The following CEACAM20 variants were observed in gnomAD, a reference collection of about 807,000 sequenced individuals.
CEACAM20 encodes the protein cell adhesion molecule CEACAM20.
A neutral mutation model predicts 61.2 loss-of-function variants in CEACAM20; 50 were observed. The ratio of observed to expected loss-of-function variants is 0.82; its 90% CI spans 0.65 to 1.03. The LOEUF (loss-of-function observed/expected upper bound fraction) is 1.03. CEACAM20 is among the 50% of genes least tolerant of loss of function. CEACAM20 has a pLI of 0.00. For synonymous variants in CEACAM20, 282 were observed against 287.7 expected (o/e 0.98, Z 0.20); for missense variants, 683 against 736.4 (o/e 0.93, Z 0.84).
chr19:44,512,256 A>G (rs1341881412), intron 8 of CEACAM20, among the ~76,000 whole-genome samples, 178 bp from the exon 9 acceptor site: 1 of 152,132 alleles, frequency 6.6e-6, no homozygotes, highest in African/African-American at 2.4e-5. Flanking sequence ...TGGGTTAGGT[A>G]AGGCTGTTTG....
chr19:44,515,584 A>G (rs1203016039), intron 6 of CEACAM20, among the ~76,000 whole-genome samples: 1 of 152,112 alleles, frequency 6.6e-6, no homozygotes, highest in East Asian at 1.9e-4. Flanking sequence ...TCACCTCAAA[A>G]CTGGCTGACA....
intron 6 of CEACAM20, among the ~76,000 whole-genome samples, chr19:44,515,300 T>C (rs918728198): frequency 1.3e-5 from 2 of 152,112 alleles, no homozygotes; most frequent in Non-Finnish European, 2.9e-5. Context: ...GAGACCTTCA[T>C]ACATGATCTT....
intron 1 of CEACAM20, 101 bp downstream of exon 1, chr19:44,529,357 C>T: frequency 2.0e-5 from 1 of 50,066 alleles, no homozygotes; most frequent in Non-Finnish European, 2.7e-5. Flanking sequence ...CTCGAGTGCA[C>T]ACACACACAC....
chr19:44,518,081 G>GGAAA (rs1215153815), intron 5 of CEACAM20, among the ~76,000 whole-genome samples: 65 of 106,020 alleles, frequency 6.1e-4, no homozygotes, highest in East Asian at 3.7e-3. Flanking sequence ...AAAGGAAAGA[G>GGAAA]GAAAGAAAGA....
In CEACAM20 at chr19:44,524,630, A is replaced by C. The variant is rs149313899; in HGVS notation, c.197-369T>G. ...GGTTTCATTCTGTCACCCAGGCTGG[A>C]GTGCAGTGGTTCAATCACGGCTCAC... On this transcript the variant is annotated intron_variant, in intron 2 of 11. Coordinates refer to ENST00000614924, the MANE Select transcript of CEACAM20 (RefSeq NM_001102597.3). 9.1e-3 allele frequency among the ~76,000 whole-genome samples: 1,376 copies of C among 151,822 alleles called. 26 individuals are homozygous for C. Among genetic ancestry groups the C allele is most frequent in the African/African-American group, 0.031 (1,287 of 41,404 alleles).
chr19:44,518,081 G>C, intron 5 of CEACAM20, among the ~76,000 whole-genome samples: 1 of 106,086 alleles, frequency 9.4e-6, no homozygotes. Flanking sequence ...AAAGGAAAGA[G>C]GAAAGAAAGA....
At chr19:44,511,000 G>A (rs779833734) in intron 11 of CEACAM20, 30 bp downstream of exon 11, 1 of 1,613,394 alleles carries the variant, frequency 6.2e-7, no homozygotes, top group South Asian at 1.1e-5. Flanking sequence ...ATTTCCACCT[G>A]TCCAAAGACT....
In CEACAM20 at chr19:44,520,646, C is replaced by A. The variant is rs1443605641; in HGVS notation, c.858G>T (p.Gln286His). ...CQTVNQSVNVQWFLSGQPLLP... is the reference protein window; with the variant it reads ...CQTVNQSVNVHWFLSGQPLLP... ...GGAGGGGCTGGCCACTTAGGAACCA[C>A]TGGACATTCACACTCTGATTGACGG... Residue 286 changes from glutamine (Q) to histidine (H), a missense_variant, in exon 5 of 12, where the codon CAG (glutamine) becomes CAT (histidine). By Grantham distance (24) the Gln-to-His change is conservative (BLOSUM62 0). Transcript: ENST00000614924. 2.5e-6 allele frequency: 4 copies of A among 1,613,942 alleles called. No homozygotes were observed. The African/African-American group carries it at 5.3e-5, about 22-fold the overall frequency.
At chr19:44,512,133 G>GGGGCT (rs1297176457) in intron 8 of CEACAM20, 55 bp from the exon 9 acceptor site, 1 of 1,407,984 alleles carries the variant, frequency 7.1e-7, no homozygotes, top group African/African-American at 1.4e-5. Context: ...TATGGGGCAA[G>GGGGCT]GGGCTGTTTT....
In CEACAM20 at chr19:44,513,117, G is replaced by T. The variant is rs917875219; in HGVS notation, c.1427+55C>A. On this transcript the variant is annotated intron_variant, in intron 7 of 11. Coordinates refer to ENST00000614924, the MANE Select transcript of CEACAM20 (RefSeq NM_001102597.3). ...ATGGTCAGCAACACGCCCGGCAAGC[G>T]CCCCCTGCTGGCCACATCCCCATCC... 5.3e-5 allele frequency: 76 copies of T among 1,431,670 alleles called. No homozygotes were observed. In the African/African-American group the frequency reaches 9.7e-4, roughly 18 times the overall value. 88.7% of individuals were successfully genotyped at this position (1,431,670 alleles called of 1,614,324 possible).
Position 44,510,610 on chromosome 19 carries a change from A to AAGAAAGAAAGAAAG in CEACAM20, c.1737+419_1737+420insCTTTCTTTCTTTCT, listed in dbSNP as rs1446342735. On this transcript the variant is annotated intron_variant, in intron 11 of 11. Transcript: ENST00000614924. ...AAAGAAAGAAAGAAAGAAAGAAAGAAAAAGGAAGGAAGGAAGAAAGAAAGA... is the reference window on the plus strand; with the variant it reads ...AAAGAAAGAAAGAAAGAAAGAAAGAAAGAAAGAAAGAAAGAAAGGAAGGAAGGAAGAAAGAAAGA... Among the ~76,000 whole-genome samples, 69 of 58,920 alleles carry AAGAAAGAAAGAAAG rather than the reference A, an allele frequency of 1.2e-3. 2 individuals are homozygous for AAGAAAGAAAGAAAG. The highest frequency in any genetic ancestry group is 2.2e-3 in the South Asian group (4 of 1,790). 38.7% of individuals were successfully genotyped at this position (58,920 alleles called of 152,430 possible). A position where few individuals can be genotyped will look rare whatever the true frequency, so the allele number is the denominator to read the frequency against.
intron 6 of CEACAM20, among the ~76,000 whole-genome samples, 170 bp downstream of exon 6, chr19:44,516,776 A>C (rs1971167317): frequency 1.3e-5 from 2 of 152,180 alleles, no homozygotes; most frequent in Admixed American, 1.3e-4. Context: ...CAGGTTCTAC[A>C]TTTCCCTGAC....
At chr19:44,528,772 T>G (rs1456118375) in intron 1 of CEACAM20, among the ~76,000 whole-genome samples, 3 of 151,710 alleles carry the variant, frequency 2.0e-5, no homozygotes, top group Non-Finnish European at 4.4e-5. Flanking sequence ...TATTTTTTTC[T>G]GTCTCTGTCT....
At chr19:44,525,047 G>C in intron 2 of CEACAM20, 54 bp downstream of exon 2, 1 of 1,592,198 alleles carries the variant, frequency 6.3e-7, no homozygotes, top group Non-Finnish European at 8.5e-7. Flanking sequence ...GTTCGGATGA[G>C]GGATCTCCAT....
chr19:44,520,473 C>T lies in CEACAM20; in HGVS notation c.1030+1G>A. The T allele has an allele frequency of 6.2e-7, 1 of 1,611,022 alleles. No individual in the cohort carries two copies. Among genetic ancestry groups the T allele is most frequent in the Non-Finnish European group, 8.5e-7 (1 of 1,178,438 alleles). ...GAAGGTCCAGGCCCTGGGTGACTCA[C>T]AGTTGATGGTCAGCTCAAGGGGCTC... On this transcript the variant is annotated splice_donor_variant, in intron 5 of 11. Coordinates refer to ENST00000614924, the MANE Select transcript of CEACAM20 (RefSeq NM_001102597.3). LOFTEE classifies it high-confidence loss of function.
intron 2 of CEACAM20, 132 bp from the exon 3 acceptor site, chr19:44,524,393 G>T: frequency 1.1e-6 from 1 of 947,862 alleles, no homozygotes; most frequent in Non-Finnish European, 1.6e-6. Context: ...TTGGATGCCT[G>T]GGCTTGAATG....
Position 44,524,279 on chromosome 19 carries a change from A to C in CEACAM20, c.197-18T>G. ...GGCCAGCTCTGAAAGCAAGCGAGGG[A>C]GACAGAGGCAGAGACACAGGTAGAG... is the stretch of plus-strand genomic sequence containing the variant. On this transcript the variant is annotated intron_variant, in intron 2 of 11. Transcript: ENST00000614924. The C allele has an allele frequency of 9.4e-6, 15 of 1,602,596 alleles. No individual in the cohort carries two copies. Among genetic ancestry groups the C allele is most frequent in the Non-Finnish European group, 1.3e-5 (15 of 1,173,750 alleles).
In CEACAM20 at chr19:44,522,680, A is replaced by G; in HGVS notation, c.705T>C (p.Ser235=). Residue 235 remains serine (S), a synonymous_variant, in exon 4 of 12, where the codon AGT becomes AGC. Transcript: ENST00000614924. ...EGLYRCLVSN[S]ATHLSSLGTL... ...TACCCAGGCTGGACAGGTGGGTGGC[A>G]CTGTTGGACACCAAGCACCTGTACA... 6.2e-7 allele frequency: 1 copy of G among 1,613,708 alleles called. No homozygotes were observed. The highest frequency in any genetic ancestry group is 8.5e-7 in the Non-Finnish European group (1 of 1,179,776).
intron 11 of CEACAM20, among the ~76,000 whole-genome samples, chr19:44,509,879 A>G (rs1217098885): frequency 6.6e-6 from 1 of 152,194 alleles, no homozygotes; most frequent in African/African-American, 2.4e-5. Flanking sequence ...ATCAAATGGA[A>G]ATGAATGTAA....
Sources: allele counts gnomAD v4.1 joint callset (sites outside exome capture counted in the v4.1 genomes callset), GRCh38; gene constraint gnomAD v4.1.1; transcripts MANE v1.5; gene names NCBI Gene and HGNC (gene_info 2026-07-23, HGNC 2026-07-21).